Variants in DYM observed in about 807,000 individuals in gnomAD.
DYM encodes dyggve-Melchior-Clausen syndrome protein.
A neutral mutation model predicts 93.1 loss-of-function variants in DYM; 78 were observed. That is an observed-to-expected ratio of 0.84 (90% CI 0.70 to 1.01). DYM has a LOEUF of 1.01. DYM is among the 50% of genes least tolerant of loss of function. DYM has a pLI of 0.00. For synonymous variants in DYM, 321 were observed against 319.7 expected (o/e 1.00, Z -0.04); for missense variants, 789 against 845.0 (o/e 0.93, Z 0.82).
chr18:49,301,330 C>T (rs934996012), intron 8 of DYM, among the ~76,000 whole-genome samples: 1 of 152,006 alleles, frequency 6.6e-6, no homozygotes, highest in Non-Finnish European at 1.5e-5. Flanking sequence ...ACCATCCTGG[C>T]CAACATGGTG....
At chr18:49,418,059 T>TG (rs1452305847) in intron 2 of DYM, 15 of 42,684 alleles carry the variant, frequency 3.5e-4, no homozygotes, top group South Asian at 7.4e-4. Context: ...AAACTCTGTC[T>TG]GAAAAAAAAA....
intron 16 of DYM, among the ~76,000 whole-genome samples, chr18:49,101,479 A>C (rs959465947): frequency 6.6e-6 from 1 of 152,134 alleles, no homozygotes; most frequent in Non-Finnish European, 1.5e-5. Context: ...ACCACCTGTC[A>C]TGAAACAAGT....
At position 49,430,447 on chromosome 18, in the gene DYM, C is replaced by T; in HGVS notation, c.-53G>A. On this transcript the variant is annotated splice_region_variant and 5_prime_UTR_variant, in exon 2 of 18. Coordinates refer to ENST00000675505, the MANE Select transcript of DYM (RefSeq NM_001353214.3). ...TTAAACCTGCATTTCCAAAAGACAA[C>T]CTATAAAAAATAAAAATAAAAACTT... 2 of 1,605,112 alleles carry T rather than the reference C, an allele frequency of 1.2e-6. No homozygotes were observed. The highest frequency in any genetic ancestry group is 1.7e-6 in the Non-Finnish European group (2 of 1,178,064).
At chr18:49,317,652 C>CCTTCCTTCCTTCCTTCCTTT (rs2062097946) in intron 8 of DYM, among the ~76,000 whole-genome samples, 1 of 58,744 alleles carries the variant, frequency 1.7e-5, no homozygotes, top group Non-Finnish European at 3.4e-5. Flanking sequence ...TCCTCTCCTT[C>CCTTCCTTCCTTCCTTCCTTT]CTTCCTTCCT....
rs570738023 is a variant in DYM at position 49,086,999 on chromosome 18, TA to T, written c.2025+10402del. 2.1e-3 allele frequency among the ~76,000 whole-genome samples: 301 copies of T among 146,096 alleles called. 1 individual carries two copies. Among genetic ancestry groups the T allele is most frequent in the African/African-American group, 5.7e-3 (228 of 39,820 alleles). The stretch of plus-strand genomic sequence containing the variant: ...TGAAGCTCATGTCAAAAAATAAAAA[TA>T]AAAAAAAAATACATAAAAATAAAAG... On this transcript the variant is annotated intron_variant, in intron 17 of 17. Transcript: ENST00000675505.
intron 8 of DYM, among the ~76,000 whole-genome samples, chr18:49,322,146 T>C (rs752735046): frequency 1.3e-5 from 2 of 152,036 alleles, no homozygotes; most frequent in Non-Finnish European, 2.9e-5. Context: ...AGCATTTGCC[T>C]AAAGAAATAA....
intron 15 of DYM, among the ~76,000 whole-genome samples, chr18:49,161,710 C>T (rs1044181108): frequency 3.3e-5 from 5 of 152,114 alleles, no homozygotes; most frequent in African/African-American, 1.2e-4. Context: ...AACTTAATAC[C>T]TTAAGGGGAT....
At chr18:49,311,298 G>T (rs919936236) in intron 8 of DYM, among the ~76,000 whole-genome samples, 6 of 152,220 alleles carry the variant, frequency 3.9e-5, no homozygotes, top group African/African-American at 7.2e-5. Flanking sequence ...TATTATCAGT[G>T]AGATCCACAC....
intron 17 of DYM, among the ~76,000 whole-genome samples, chr18:49,051,217 A>G (rs2072395264): frequency 6.6e-6 from 1 of 152,200 alleles, no homozygotes; most frequent in African/African-American, 2.4e-5. Context: ...TTTCTTCAAT[A>G]TCCTCCTAAC....
At chr18:49,053,854 T>C (rs2083242525) in intron 17 of DYM, among the ~76,000 whole-genome samples, 1 of 152,130 alleles carries the variant, frequency 6.6e-6, no homozygotes, top group Non-Finnish European at 1.5e-5. Context: ...TGCTTGGCTG[T>C]AGAGGAAAGA....
At chr18:49,388,993 G>A (rs374509961) in intron 3 of DYM, among the ~76,000 whole-genome samples, 1 of 151,104 alleles carries the variant, frequency 6.6e-6, no homozygotes, top group African/African-American at 2.4e-5. Flanking sequence ...TTTCAAAAAG[G>A]AAACTAAGTA....
At chr18:49,387,881 C>T (rs2068791645) in intron 3 of DYM, among the ~76,000 whole-genome samples, 1 of 151,866 alleles carries the variant, frequency 6.6e-6, no homozygotes, top group Admixed American at 6.6e-5. Flanking sequence ...ATAAATGTAC[C>T]ATACTAAAAT....
At chr18:49,421,849 G>A (rs555733533) in intron 2 of DYM, among the ~76,000 whole-genome samples, 7 of 152,232 alleles carry the variant, frequency 4.6e-5, no homozygotes, top group Admixed American at 1.3e-4. Context: ...CAAGAACTAC[G>A]GGACACATGC....
At chr18:49,057,393 G>A (rs2075593683) in intron 17 of DYM, among the ~76,000 whole-genome samples, 1 of 152,250 alleles carries the variant, frequency 6.6e-6, no homozygotes. Flanking sequence ...GGCTCAGGCA[G>A]GGCCACAGAC....
At chr18:49,225,219 C>A (rs541141533) in intron 13 of DYM, among the ~76,000 whole-genome samples, 2 of 152,054 alleles carry the variant, frequency 1.3e-5, no homozygotes, top group African/African-American at 2.4e-5. Context: ...AAATAGCATG[C>A]GTGCACACAC....
At chr18:49,054,721 T>C (rs2075322531) in intron 17 of DYM, among the ~76,000 whole-genome samples, 2 of 152,152 alleles carry the variant, frequency 1.3e-5, no homozygotes, top group African/African-American at 4.8e-5. Flanking sequence ...GCAGGGGGTC[T>C]CTGGGCACTA....
chr18:49,260,821 A>C (rs2145236683), intron 11 of DYM, among the ~76,000 whole-genome samples: 1 of 152,220 alleles, frequency 6.6e-6, no homozygotes, highest in East Asian at 1.9e-4. Context: ...GATGCAAAAT[A>C]AACTCAGCAT....
At position 49,101,822 on chromosome 18, in the gene DYM, C is replaced by A. The variant is rs142175093; in HGVS notation, c.1912-4307G>T. The stretch of plus-strand genomic sequence containing the variant: ...TACCAGGGAAATAAATAGATGATAC[C>A]ATTTTCTCTCTTGAAGAAAGACACA... On this transcript the variant is annotated intron_variant, in intron 16 of 17. Coordinates refer to ENST00000675505, the MANE Select transcript of DYM (RefSeq NM_001353214.3). Among the ~76,000 whole-genome samples the A allele has an allele frequency of 2.9e-3, 441 of 152,120 alleles. 3 individuals are homozygous for A. The highest frequency in any genetic ancestry group is 0.01 in the African/African-American group (425 of 41,500).
rs2073623056 is a variant in DYM, at chr18:49,420,965, G to A, written c.140+9290C>T. Among the ~76,000 whole-genome samples the A allele has an allele frequency of 2.0e-5, 3 of 152,290 alleles. No homozygotes were observed. The South Asian group carries it at 6.2e-4, about 32-fold the overall frequency. On this transcript the variant is annotated intron_variant, in intron 2 of 17. Coordinates refer to ENST00000675505, the MANE Select transcript of DYM (RefSeq NM_001353214.3). ...ACAAGGTGGCAGCGAGGCTGGGGGA[G>A]GGGCACCTGCCATTGCTGAGGCTTG...
Sources: gnomAD v4.1 joint callset for allele counts (sites outside exome capture counted in the v4.1 genomes callset) on GRCh38, gnomAD v4.1.1 for gene constraint, MANE v1.5 for transcripts, NCBI Gene and HGNC (gene_info 2026-07-23, HGNC 2026-07-21) for gene names.